Variants in ATP6V1C1 observed in about 807,000 individuals in gnomAD.
ATP6V1C1 encodes V-type proton ATPase subunit C 1.
Under a neutral mutation model 53.9 loss-of-function variants are expected in ATP6V1C1, and 45 were observed. The observed-to-expected ratio is 0.83, with a 90% CI of 0.66 to 1.07. The LOEUF is 1.07. Ranked by LOEUF, ATP6V1C1 falls within the 50% of genes least tolerant of loss-of-function variation. The pLI is 0.00. For missense variants in ATP6V1C1, 315 were observed against 440.3 expected, an observed-to-expected ratio of 0.72 and a Z score of 2.55; for synonymous variants, 153 against 155.2, an observed-to-expected ratio of 0.99 and a Z score of 0.11.
chr8:103,051,013 G>A (rs1817191338), intron 4 of ATP6V1C1, 37 bp from the exon 5 acceptor site: 1 of 1,399,546 alleles, frequency 7.1e-7, no homozygotes, highest in Admixed American at 1.8e-5. Flanking sequence ...CAATTCTATT[G>A]TTTTTCTTCA....
intron 3 of ATP6V1C1, among the ~76,000 whole-genome samples, chr8:103,045,723 T>C (rs1025029202): frequency 5.9e-5 from 9 of 152,026 alleles, no homozygotes; most frequent in Non-Finnish European, 8.8e-5. Context: ...GGGCGGATCA[T>C]GAGGTCAGGA....
At chr8:103,035,494 G>A (rs1816878312) in intron 1 of ATP6V1C1, among the ~76,000 whole-genome samples, 1 of 152,150 alleles carries the variant, frequency 6.6e-6, no homozygotes, top group South Asian at 2.1e-4. Context: ...TAAAAATGAG[G>A]GAGAATACGA....
intron 12 of ATP6V1C1, among the ~76,000 whole-genome samples, chr8:103,067,195 T>C (rs1817507119): frequency 6.6e-6 from 1 of 152,002 alleles, no homozygotes; most frequent in Non-Finnish European, 1.5e-5. Flanking sequence ...AGTCAGGAGT[T>C]TGAGACCGGC....
chr8:103,028,653 A>G (rs1464332426), intron 1 of ATP6V1C1, among the ~76,000 whole-genome samples: 4 of 152,208 alleles, frequency 2.6e-5, no homozygotes, highest in Admixed American at 6.5e-5. Flanking sequence ...CAATCCTCTC[A>G]TTTTACAAGT....
At chr8:103,067,170 G>A (rs184458487) in intron 12 of ATP6V1C1, among the ~76,000 whole-genome samples, 2 of 151,778 alleles carry the variant, frequency 1.3e-5, no homozygotes, top group African/African-American at 4.8e-5. Flanking sequence ...AGGCCGAGGC[G>A]GGGGGATCAC....
At chr8:103,048,689 A>G (rs1817147738) in intron 3 of ATP6V1C1, among the ~76,000 whole-genome samples, 181 bp from the exon 4 acceptor site, 1 of 152,240 alleles carries the variant, frequency 6.6e-6, no homozygotes, top group Non-Finnish European at 1.5e-5. Context: ...GCATGTAACA[A>G]AGTCTTGGTC....
In ATP6V1C1 at chr8:103,034,851, G is replaced by T. The variant is rs186814375; in HGVS notation, c.-39-5947G>T. Among the ~76,000 whole-genome samples the T allele has an allele frequency of 3.3e-5, 5 of 152,308 alleles. No individual in the cohort carries two copies. In the East Asian group the frequency reaches 9.6e-4, roughly 29 times the overall value. ...CTCCCAAAGTGCTGGGATTACAGGT[G>T]TGAGCCACTGTGCCTGGCCTCAAGG... On this transcript the variant is annotated intron_variant, in intron 1 of 12. Transcript: ENST00000518738.
chr8:103,067,632 G>A (rs1408158041), intron 12 of ATP6V1C1, among the ~76,000 whole-genome samples: 7 of 123,146 alleles, frequency 5.7e-5, no homozygotes, highest in East Asian at 2.3e-4. Context: ...ATGGAGTTTC[G>A]CTCTTTTGCC....
intron 11 of ATP6V1C1, among the ~76,000 whole-genome samples, chr8:103,065,074 A>G (rs1817464711): frequency 6.6e-6 from 1 of 152,232 alleles, no homozygotes; most frequent in Admixed American, 6.5e-5. Context: ...AAAGTAGATT[A>G]AATATTAACC....
chr8:103,053,144 T>C (rs1436737118), intron 6 of ATP6V1C1, among the ~76,000 whole-genome samples: 3 of 152,052 alleles, frequency 2.0e-5, no homozygotes, highest in Admixed American at 6.6e-5. Flanking sequence ...ATAGTTTAAC[T>C]GCATAGTAAT....
intron 8 of ATP6V1C1, 101 bp downstream of exon 8, chr8:103,056,037 A>G: frequency 8.8e-7 from 1 of 1,134,186 alleles, no homozygotes; most frequent in Non-Finnish European, 1.3e-6. Context: ...TTTGTGATAA[A>G]TTAACCTCAT....
chr8:103,056,337 C>T (rs758143641), intron 8 of ATP6V1C1, among the ~76,000 whole-genome samples: 2 of 152,124 alleles, frequency 1.3e-5, no homozygotes, highest in African/African-American at 2.4e-5. Context: ...GGAAGTGTAC[C>T]AGAATGGCTA....
chr8:103,030,290 A>G (rs1186982310), intron 1 of ATP6V1C1, among the ~76,000 whole-genome samples: 1 of 152,138 alleles, frequency 6.6e-6, no homozygotes. Flanking sequence ...TATTGTTGTC[A>G]GTCCTGTTTT....
intron 8 of ATP6V1C1, among the ~76,000 whole-genome samples, chr8:103,058,720 T>C (rs1417369065): frequency 6.6e-6 from 1 of 152,236 alleles, no homozygotes; most frequent in African/African-American, 2.4e-5. Context: ...CTAATATTTT[T>C]CAATCTATTC....
At chr8:103,065,299 G>A (rs528140634) in intron 11 of ATP6V1C1, among the ~76,000 whole-genome samples, 25 of 152,348 alleles carry the variant, frequency 1.6e-4, no homozygotes, top group South Asian at 4.1e-4. Flanking sequence ...GCTCACGCCT[G>A]TAATCCCAGC....
In ATP6V1C1 at chr8:103,064,748, G is replaced by C. The variant is rs764064640; in HGVS notation, c.863G>C (p.Ser288Thr). 2 of 1,613,454 alleles carry C rather than the reference G, an allele frequency of 1.2e-6. No individual in the cohort carries two copies. The highest frequency in any genetic ancestry group is 1.7e-6 in the Non-Finnish European group (2 of 1,179,794). ...PLVRWLKVNF[S>T]EAFIAWIHVK... ...GTACGGTGGCTGAAAGTGAATTTTA[G>C]TGAAGCATTTATTGCATGGATTCAC... Residue 288 changes from serine (S) to threonine (T), a missense_variant, in exon 11 of 13, where the codon AGT (serine) becomes ACT (threonine). Transcript: ENST00000518738.
At chr8:103,062,892 G>T in intron 8 of ATP6V1C1, 63 bp from the exon 9 acceptor site, 1 of 1,421,890 alleles carries the variant, frequency 7.0e-7, no homozygotes, top group East Asian at 2.3e-5. Context: ...TCTGAATTTT[G>T]CCCTTAATAT....
Position 103,068,714 on chromosome 8 carries a change from C to T in ATP6V1C1, c.1116C>T (p.Tyr372=), listed in dbSNP as rs749378965. Residue 372 remains tyrosine, a synonymous_variant, in exon 13 of 13, where the codon TAC becomes TAT. Coordinates refer to ENST00000518738, the MANE Select transcript of ATP6V1C1 (RefSeq NM_001695.5). ...SQQEYYPYVY[Y]KIDCNLLEFK ...AAGAATACTACCCCTATGTGTACTA[C>T]AAGATTGATTGCAACTTGCTGGAAT... 3.1e-6 allele frequency: 5 copies of T among 1,610,338 alleles called. No homozygotes were observed. Among genetic ancestry groups the T allele is most frequent in the East Asian group, 2.2e-5 (1 of 44,588 alleles).
chr8:103,064,859 C>G lies in ATP6V1C1; in HGVS notation c.926+48C>G, dbSNP rs771591845. 4 of 1,532,804 alleles carry G rather than the reference C, an allele frequency of 2.6e-6. No individual in the cohort carries two copies. In the Admixed American group the frequency reaches 5.5e-5, roughly 21 times the overall value. The allele number at this position is 1,532,804 out of a possible 1,614,324, so 95.0% of individuals were successfully genotyped here. A position where few individuals can be genotyped will look rare whatever the true frequency, so the allele number is the denominator to read the frequency against. On this transcript the variant is annotated intron_variant, in intron 11 of 12. Transcript: ENST00000518738. ...CTTGGAACTGAAGAGTTCATAGATT[C>G]CTTACATTGGACCTCTTTATTATAA...
Sources: gnomAD v4.1 joint callset for allele counts (sites outside exome capture counted in the v4.1 genomes callset) on GRCh38, gnomAD v4.1.1 for gene constraint, MANE v1.5 for transcripts, NCBI Gene and HGNC (gene_info 2026-07-23, HGNC 2026-07-21) for gene names.